UBE2F: variants seen among roughly 807,000 people sequenced by gnomAD.
UBE2F encodes ubiquitin conjugating enzyme E2 F (putative).
Under a neutral mutation model 29.6 loss-of-function variants are expected in UBE2F, and 5 were observed. The ratio of observed to expected loss-of-function variants is 0.17; its 90% CI spans 0.09 to 0.36. The LOEUF (loss-of-function observed/expected upper bound fraction) is 0.36. Among genes scored for constraint, UBE2F ranks in the 10% least tolerant of loss-of-function variants. The pLI is 1.00. For synonymous variants in UBE2F, 66 were observed against 81.8 expected (o/e 0.81, Z 1.04); for missense variants, 141 against 228.5 (o/e 0.62, Z 2.47).
At position 238,030,575 on chromosome 2, in the gene UBE2F, A is replaced by C; in HGVS notation, c.373A>C (p.Ile125Leu). The change falls in exon 7 of 10, where the codon ATT (isoleucine) becomes CTT (leucine). Residue 125 changes from isoleucine to leucine, a missense_variant. Coordinates refer to ENST00000272930, the MANE Select transcript of UBE2F (RefSeq NM_080678.3). ...ICLSLLREHS[I>L]DGTGWAPTRT... is the part of the protein sequence containing the mutation. ...TTTCAGTTTATTGAGAGAACATTCA[A>C]TTGATGGCACTGGCTGGGCTCCCAC... The C allele has an allele frequency of 6.2e-7, 1 of 1,613,664 alleles. No homozygotes were observed. The highest frequency in any genetic ancestry group is 8.5e-7 in the Non-Finnish European group (1 of 1,179,794).
At position 237,990,365 on chromosome 2, in the gene UBE2F, CACAGGCCCCCA is replaced by C. The variant is rs2063560367; in HGVS notation, c.148+2376_148+2386del. On this transcript the variant is annotated intron_variant, in intron 3 of 9. Transcript: ENST00000272930. The stretch of plus-strand genomic sequence containing the variant: ...GCTTTCCAGTCCCATCTTATCTTCC[CACAGGCCCCCA>C]ACTTGAGCCTGTATATACATGTAAA... The C allele has an allele frequency of 2.4e-5, 11 of 450,252 alleles. 1 individual carries two copies. The highest frequency in any genetic ancestry group is 1.5e-4 in the South Asian group (9 of 61,578). The allele number at this position is 450,252 out of a possible 1,614,324, so 27.9% of individuals were successfully genotyped here.
Position 237,967,728 on chromosome 2 carries a change from A to G in UBE2F, c.-17+596A>G, listed in dbSNP as rs1241879067. Among the ~76,000 whole-genome samples the G allele has an allele frequency of 1.3e-5, 2 of 152,206 alleles. No individual in the cohort carries two copies. Among genetic ancestry groups the G allele is most frequent in the African/African-American group, 2.4e-5 (1 of 41,456 alleles). On this transcript the variant is annotated intron_variant, in intron 1 of 9. Coordinates refer to ENST00000272930, the MANE Select transcript of UBE2F (RefSeq NM_080678.3). The surrounding 1 kb of genome is among the most constrained non-coding windows in gnomAD (Gnocchi z 6.3). ...CGCTTACCTACAACTGGGGGCGGCC[A>G]GGCTAGTTTGGAAAATTTTTACCAC...
chr2:238,010,576 T>C (rs1197156287), intron 4 of UBE2F, among the ~76,000 whole-genome samples: 1 of 152,234 alleles, frequency 6.6e-6, no homozygotes, highest in Admixed American at 6.5e-5. Flanking sequence ...CTCCTGCTTC[T>C]GGTTTTTCCT....
At chr2:237,968,126 G>A (rs1161550366) in intron 1 of UBE2F, among the ~76,000 whole-genome samples, 6 of 152,190 alleles carry the variant, frequency 3.9e-5, no homozygotes, top group Non-Finnish European at 7.3e-5. Flanking sequence ...GGAACAAAGA[G>A]GAAACTGGCC....
chr2:237,978,580 C>G (rs548897371), intron 2 of UBE2F, among the ~76,000 whole-genome samples: 2 of 152,200 alleles, frequency 1.3e-5, no homozygotes, highest in African/African-American at 4.8e-5. Flanking sequence ...AAGGGCTCCC[C>G]GCTCAGCCAC....
intron 1 of UBE2F, among the ~76,000 whole-genome samples, chr2:237,971,530 G>A (rs76479217): frequency 1.3e-5 from 2 of 152,066 alleles, no homozygotes; most frequent in African/African-American, 4.8e-5. Flanking sequence ...CACCATGTTG[G>A]CCAGGGTGGT....
chr2:237,970,479 C>T (rs2063152417), intron 1 of UBE2F, among the ~76,000 whole-genome samples: 1 of 152,164 alleles, frequency 6.6e-6, no homozygotes, highest in South Asian at 2.1e-4. Context: ...ACCTTCTGGG[C>T]CTCTGTTGTC....
At chr2:237,986,009 G>GT (rs1167895859) in intron 2 of UBE2F, among the ~76,000 whole-genome samples, 1 of 151,142 alleles carries the variant, frequency 6.6e-6, no homozygotes, top group Non-Finnish European at 1.5e-5. Flanking sequence ...GTCTATTCAT[G>GT]TTTTTTGCCC....
At chr2:237,988,838 T>C (rs965528974) in intron 3 of UBE2F, among the ~76,000 whole-genome samples, 2 of 152,180 alleles carry the variant, frequency 1.3e-5, no homozygotes, top group African/African-American at 2.4e-5. Flanking sequence ...GTCTGCATGT[T>C]TGAGGGGTGG....
chr2:238,017,742 G>T (rs183430469), intron 5 of UBE2F, among the ~76,000 whole-genome samples: 1 of 152,112 alleles, frequency 6.6e-6, no homozygotes, highest in African/African-American at 2.4e-5. Context: ...CTCTTGGCCC[G>T]TCCAGTAGGA....
At chr2:238,037,853 C>G (rs907119302) in intron 9 of UBE2F, among the ~76,000 whole-genome samples, 2 of 152,184 alleles carry the variant, frequency 1.3e-5, no homozygotes, top group African/African-American at 2.4e-5. Context: ...AAGCAACCCA[C>G]CCGCCTTAGC....
intron 2 of UBE2F, among the ~76,000 whole-genome samples, chr2:237,979,022 AG>A (rs2106331022): frequency 6.6e-6 from 1 of 152,316 alleles, no homozygotes; most frequent in East Asian, 1.9e-4. Flanking sequence ...CATGCATTGT[AG>A]TGCCAGCATA....
In UBE2F at chr2:237,993,967, C is replaced by T. The variant is rs573963800; in HGVS notation, c.149-777C>T. Among the ~76,000 whole-genome samples, 5 of 152,204 alleles carry T rather than the reference C, an allele frequency of 3.3e-5. No homozygotes were observed. The South Asian group carries it at 6.2e-4, about 19-fold the overall frequency. On this transcript the variant is annotated intron_variant, in intron 3 of 9. Coordinates refer to ENST00000272930, the MANE Select transcript of UBE2F (RefSeq NM_080678.3). ...GGGCACAGAACATTGCCATCTGGGT[C>T]AGTAGAGCATTATTTTACCAATAAA...
At position 238,041,329 on chromosome 2, in the gene UBE2F, T is replaced by C. The variant is rs2064833857; in HGVS notation, c.549T>C (p.Tyr183=). 3.7e-6 allele frequency: 6 copies of C among 1,613,830 alleles called. No individual in the cohort carries two copies. Among genetic ancestry groups the C allele is most frequent in the Non-Finnish European group, 4.2e-6 (5 of 1,179,862 alleles). The change falls in exon 10 of 10, where the codon TAT becomes TAC. Residue 183 remains tyrosine (Y), a synonymous_variant. Coordinates refer to ENST00000272930, the MANE Select transcript of UBE2F (RefSeq NM_080678.3). ...RNKVDDYIKR[Y]AR is the part of the protein sequence containing the mutation. ...AAGTGGATGACTACATCAAACGTTA[T>C]GCCAGATGATAAAAGGGGACGATTG...
In UBE2F at chr2:238,030,804, G is replaced by A. The variant is rs575204828; in HGVS notation, c.411+191G>A. The stretch of plus-strand genomic sequence containing the variant: ...TCACTGACCTCGGTCAGTTTGGGCC[G>A]GATGAGCATCCTTGTTGACTTTGCC... On this transcript the variant is annotated intron_variant, in intron 7 of 9. Transcript: ENST00000272930. Among the ~76,000 whole-genome samples the A allele has an allele frequency of 4.6e-5, 7 of 152,318 alleles. No individual in the cohort carries two copies. The South Asian group carries it at 1.4e-3, about 32-fold the overall frequency.
Position 238,027,240 on chromosome 2 carries a change from AATG to A in UBE2F, c.353+1831_353+1833del, listed in dbSNP as rs2064453061. ...ATTAAAAACACAAAATGGAAGAAGA[AATG>A]ATCAACTGGATTAACATCCTTGGTA... On this transcript the variant is annotated intron_variant, in intron 6 of 9. Coordinates refer to ENST00000272930, the MANE Select transcript of UBE2F (RefSeq NM_080678.3). Among the ~76,000 whole-genome samples, 6 of 152,360 alleles carry A rather than the reference AATG, an allele frequency of 3.9e-5. No homozygotes were observed. The South Asian group carries it at 1.0e-3, about 26-fold the overall frequency.
At chr2:237,997,703 T>C (rs988926054) in intron 4 of UBE2F, among the ~76,000 whole-genome samples, 1 of 152,252 alleles carries the variant, frequency 6.6e-6, no homozygotes, top group East Asian at 1.9e-4. Flanking sequence ...CATTTTCAGC[T>C]CACACCTCTT....
intron 8 of UBE2F, 90 bp from the exon 9 acceptor site, chr2:238,035,788 T>C: frequency 9.4e-7 from 1 of 1,064,412 alleles, no homozygotes; most frequent in Non-Finnish European, 1.4e-6. Flanking sequence ...ATTTGCTAAT[T>C]AGACTTCTCT....
At chr2:238,022,388 GT>G (rs1304012257) in intron 5 of UBE2F, among the ~76,000 whole-genome samples, 2 of 152,002 alleles carry the variant, frequency 1.3e-5, no homozygotes, top group African/African-American at 4.8e-5. Context: ...GGGGATATTT[GT>G]TTTTCTTCTA....
Sources: gnomAD v4.1 joint callset for allele counts (sites outside exome capture counted in the v4.1 genomes callset) on GRCh38, gnomAD v4.1.1 for gene constraint, Gnocchi (gnomAD v3.1) non-coding constraint, MANE v1.5 for transcripts, NCBI Gene and HGNC (gene_info 2026-07-23, HGNC 2026-07-21) for gene names.